The following SHROOM3 variants were observed in gnomAD, a reference collection of about 807,000 sequenced individuals.
SHROOM3 encodes shroom family member 3.
A neutral mutation model predicts 138.6 loss-of-function variants in SHROOM3; 47 were observed. That is an observed-to-expected ratio of 0.34 (90% CI 0.27 to 0.43). The LOEUF (loss-of-function observed/expected upper bound fraction) is 0.43, where lower values mean the gene tolerates loss of function less well. Ranked by LOEUF, SHROOM3 falls within the 20% of genes least tolerant of loss-of-function variation. The probability of loss-of-function intolerance (pLI) is 1.00; values close to 1 mark genes in which losing one functional copy is unlikely to be tolerated. For synonymous variants in SHROOM3, 1,062 were observed against 1,063.3 expected (o/e 1.00, Z 0.02); for missense variants, 2,491 against 2,596.5 (o/e 0.96, Z 0.88).
intron 2 of SHROOM3, among the ~76,000 whole-genome samples, chr4:76,694,365 GT>G (rs33989502): frequency 0.049 from 7,461 of 151,684 alleles, 622 homozygotes; most frequent in African/African-American, 0.17. Flanking sequence ...CTTTTTGTTT[GT>G]TTTTTTTTGT....
chr4:76,707,865 G>T (rs751453438), intron 2 of SHROOM3, among the ~76,000 whole-genome samples: 1 of 151,998 alleles, frequency 6.6e-6, no homozygotes, highest in Non-Finnish European at 1.5e-5. Flanking sequence ...GGGAGGAAAG[G>T]TGTGCTTGGT....
intron 1 of SHROOM3, among the ~76,000 whole-genome samples, chr4:76,449,473 T>C (rs1044812679): frequency 6.6e-6 from 1 of 152,182 alleles, no homozygotes; most frequent in Non-Finnish European, 1.5e-5. Flanking sequence ...CAGAATAACT[T>C]TTTAACACTA....
At chr4:76,693,366 GTTTGT>G (rs1003645048) in intron 2 of SHROOM3, among the ~76,000 whole-genome samples, 3 of 60,100 alleles carry the variant, frequency 5.0e-5, no homozygotes, top group African/African-American at 2.1e-4. Context: ...ATTTTGATAA[GTTTGT>G]TTTTTTTTTT....
At chr4:76,592,213 A>T (rs971469850) in intron 2 of SHROOM3, among the ~76,000 whole-genome samples, 2 of 152,142 alleles carry the variant, frequency 1.3e-5, no homozygotes, top group Non-Finnish European at 2.9e-5. Context: ...TTTGGGAAAG[A>T]GCTGGGAGGC....
At chr4:76,666,961 A>G (rs1718709229) in intron 2 of SHROOM3, among the ~76,000 whole-genome samples, 1 of 152,244 alleles carries the variant, frequency 6.6e-6, no homozygotes, top group Non-Finnish European at 1.5e-5. Context: ...GCTAAGTGAA[A>G]GAAGCCAGTC....
At chr4:76,649,371 A>C (rs1234641776) in intron 2 of SHROOM3, among the ~76,000 whole-genome samples, 1 of 152,210 alleles carries the variant, frequency 6.6e-6, no homozygotes, top group African/African-American at 2.4e-5. Context: ...GTCAGTCTTA[A>C]AAAGATCCCC....
At chr4:76,633,634 G>A (rs1228264034) in intron 2 of SHROOM3, among the ~76,000 whole-genome samples, 1 of 146,588 alleles carries the variant, frequency 6.8e-6, no homozygotes, top group African/African-American at 2.5e-5. Flanking sequence ...TCCAGCCTGG[G>A]TGGCAGAGCG....
At chr4:76,465,180 C>G (rs988722906) in intron 1 of SHROOM3, among the ~76,000 whole-genome samples, 1 of 152,196 alleles carries the variant, frequency 6.6e-6, no homozygotes, top group African/African-American at 2.4e-5. Context: ...TAGCATATGT[C>G]TACATATGTA....
chr4:76,659,129 C>T (rs142217599), intron 2 of SHROOM3, among the ~76,000 whole-genome samples: 215 of 152,190 alleles, frequency 1.4e-3, no homozygotes, highest in South Asian at 3.7e-3. Context: ...TCTGGTGTCC[C>T]CTCTGATTAA....
chr4:76,582,963 G>A (rs759844403), intron 2 of SHROOM3, among the ~76,000 whole-genome samples: 20 of 152,328 alleles, frequency 1.3e-4, no homozygotes, highest in Non-Finnish European at 2.4e-4. Flanking sequence ...CCCTCTGCAA[G>A]TGATTGCCAA....
chr4:76,486,637 C>G (rs1369969943), intron 1 of SHROOM3, among the ~76,000 whole-genome samples: 4 of 152,294 alleles, frequency 2.6e-5, no homozygotes, highest in East Asian at 1.9e-4. Flanking sequence ...TAGTGGCAGC[C>G]AGGACCACCC....
At chr4:76,688,808 T>C (rs1719410555) in intron 2 of SHROOM3, 1 of 985,398 alleles carries the variant, frequency 1.0e-6, no homozygotes, top group Non-Finnish European at 1.2e-6. Context: ...GAATCACGTC[T>C]CTTGTCTAAT....
chr4:76,643,120 A>G (rs1049642203), intron 2 of SHROOM3, among the ~76,000 whole-genome samples: 41 of 151,760 alleles, frequency 2.7e-4, no homozygotes, highest in African/African-American at 9.7e-4. Flanking sequence ...TAGCTGAGGC[A>G]GGAGAATTGC....
intron 1 of SHROOM3, among the ~76,000 whole-genome samples, chr4:76,544,801 C>T (rs1733177068): frequency 6.6e-6 from 1 of 152,198 alleles, no homozygotes; most frequent in Non-Finnish European, 1.5e-5. Flanking sequence ...AATCCCACAG[C>T]ATAGACGTTG....
At chr4:76,539,500 A>G (rs1055554339) in intron 1 of SHROOM3, among the ~76,000 whole-genome samples, 3 of 152,242 alleles carry the variant, frequency 2.0e-5, no homozygotes, top group African/African-American at 7.2e-5. Context: ...GTGAGGCATT[A>G]GTATTCCTAA....
chr4:76,543,704 C>G (rs1733154271), intron 1 of SHROOM3, among the ~76,000 whole-genome samples: 1 of 152,168 alleles, frequency 6.6e-6, no homozygotes, highest in South Asian at 2.1e-4. Flanking sequence ...TGAAGGATCT[C>G]TGCCTGGAGA....
At chr4:76,721,265 C>T (rs986615486) in intron 3 of SHROOM3, among the ~76,000 whole-genome samples, 5 of 151,416 alleles carry the variant, frequency 3.3e-5, no homozygotes, top group African/African-American at 1.2e-4. Flanking sequence ...GAGCCGAGAT[C>T]CCGCCACTGC....
In SHROOM3 at chr4:76,463,526, A is replaced by G. The variant is rs558719020; in HGVS notation, c.168+27306A>G. Among the ~76,000 whole-genome samples, 8 of 152,374 alleles carry G rather than the reference A, an allele frequency of 5.3e-5. No individual in the cohort carries two copies. The East Asian group carries it at 5.8e-4, about 11-fold the overall frequency. On this transcript the variant is annotated intron_variant, in intron 1 of 10. Transcript: ENST00000296043. ...TTCTGGGAAGGAATTCAAGCCAGCTATGGAAATTTGCATAAGTAAGGAGGA... is the reference window on the plus strand; with the variant it reads ...TTCTGGGAAGGAATTCAAGCCAGCTGTGGAAATTTGCATAAGTAAGGAGGA...
intron 2 of SHROOM3, among the ~76,000 whole-genome samples, chr4:76,662,613 G>A (rs1041277370): frequency 3.3e-5 from 5 of 152,162 alleles, no homozygotes; most frequent in African/African-American, 1.2e-4. Flanking sequence ...GGAATCTTGG[G>A]ACATCTTCAG....
Sources: allele counts gnomAD v4.1 joint callset (sites outside exome capture counted in the v4.1 genomes callset), GRCh38; gene constraint gnomAD v4.1.1; transcripts MANE v1.5; gene names NCBI Gene and HGNC (gene_info 2026-07-23, HGNC 2026-07-21).